The following ECD variants were observed in gnomAD, a reference collection of about 807,000 sequenced individuals.
ECD encodes the protein protein ecdysoneless homolog.
ECD carries 59 observed loss-of-function variants against 77.2 expected under a neutral mutation model. The observed-to-expected ratio is 0.76, with a 90% confidence interval of 0.62 to 0.95. The LOEUF (loss-of-function observed/expected upper bound fraction) is 0.95. Ranked by LOEUF, ECD falls within the 40% of genes least tolerant of loss-of-function variation. The pLI is 0.00. For synonymous variants in ECD, 233 were observed against 267.4 expected (o/e 0.87, Z 1.26); for missense variants, 704 against 763.4 (o/e 0.92, Z 0.92).
intron 9 of ECD, among the ~76,000 whole-genome samples, chr10:73,144,450 A>G (rs1380266719): frequency 6.6e-6 from 1 of 152,170 alleles, no homozygotes; most frequent in East Asian, 1.9e-4. Flanking sequence ...TGACTGTACC[A>G]CTGCACTCCA....
At chr10:73,139,011 A>C (rs1309650023) in intron 11 of ECD, among the ~76,000 whole-genome samples, 2 of 152,142 alleles carry the variant, frequency 1.3e-5, no homozygotes, top group Non-Finnish European at 2.9e-5. Flanking sequence ...GAACTTGTTG[A>C]AAGTTAAATG....
At chr10:73,154,811 G>C (rs1352602133) in intron 5 of ECD, among the ~76,000 whole-genome samples, 1 of 151,892 alleles carries the variant, frequency 6.6e-6, no homozygotes, top group Non-Finnish European at 1.5e-5. Flanking sequence ...GCATACGCCT[G>C]TAGTCCCAGC....
intron 11 of ECD, among the ~76,000 whole-genome samples, chr10:73,138,313 T>C (rs1243877007): frequency 5.3e-5 from 8 of 152,258 alleles, no homozygotes; most frequent in Admixed American, 3.9e-4. Context: ...ATTTAGCTTA[T>C]GCTGATTTAG....
intron 2 of ECD, among the ~76,000 whole-genome samples, chr10:73,161,284 G>GT (rs902334303): frequency 2.0e-4 from 30 of 151,818 alleles, no homozygotes; most frequent in Non-Finnish European, 2.9e-4. Flanking sequence ...GCTGAGTTGG[G>GT]TTTTTTTTAA....
chr10:73,161,954 A>C (rs985659782), intron 2 of ECD, among the ~76,000 whole-genome samples: 4 of 152,230 alleles, frequency 2.6e-5, no homozygotes, highest in Non-Finnish European at 5.9e-5. Flanking sequence ...GAGTGTCTCA[A>C]GAGCTGCCAT....
chr10:73,145,033 A>G (rs1047770083), intron 9 of ECD, among the ~76,000 whole-genome samples: 2 of 152,200 alleles, frequency 1.3e-5, no homozygotes. Context: ...TACCCCATAA[A>G]TATGTACAAC....
intron 9 of ECD, among the ~76,000 whole-genome samples, chr10:73,145,563 T>C (rs564538381): frequency 6.6e-6 from 1 of 152,192 alleles, no homozygotes; most frequent in African/African-American, 2.4e-5. Flanking sequence ...AATTAAAATG[T>C]TGGACATTTA....
At chr10:73,158,851 A>ATT (rs1843337383) in intron 3 of ECD, among the ~76,000 whole-genome samples, 1 of 152,210 alleles carries the variant, frequency 6.6e-6, no homozygotes, top group Non-Finnish European at 1.5e-5. Context: ...CCGCCTGGGC[A>ATT]AAATAGTAAG....
rs779617442 is a variant in ECD, at chr10:73,163,756, T to C, written c.182A>G (p.Asn61Ser). The C allele has an allele frequency of 1.9e-5, 31 of 1,614,120 alleles. No individual in the cohort carries two copies. The South Asian group carries it at 3.3e-4, about 17-fold the overall frequency. ...ACCTTTCCCAGGTTTATATTTAAGATTGAAAGGCTGATTCTGCCAGATGTA... is the reference window on the plus strand; with the variant it reads ...ACCTTTCCCAGGTTTATATTTAAGACTGAAAGGCTGATTCTGCCAGATGTA... ...VPYIWQNQPF[N>S]LKYKPGKGGV... Residue 61 changes from asparagine (N) to serine (S), a missense_variant, in exon 2 of 14, where the codon AAT becomes AGT. Coordinates refer to ENST00000372979, the MANE Select transcript of ECD (RefSeq NM_007265.3).
At chr10:73,162,306 G>C (rs1843390518) in intron 2 of ECD, among the ~76,000 whole-genome samples, 1 of 152,236 alleles carries the variant, frequency 6.6e-6, no homozygotes, top group African/African-American at 2.4e-5. Flanking sequence ...TCATATTTTA[G>C]AAGCATTCAG....
At chr10:73,156,479 A>C in intron 4 of ECD, 26 bp from the exon 5 acceptor site, 2 of 1,608,796 alleles carry the variant, frequency 1.2e-6, no homozygotes, top group South Asian at 2.2e-5. Context: ...TTCAATTTTC[A>C]CAGTGGGCAC....
intron 11 of ECD, among the ~76,000 whole-genome samples, chr10:73,138,546 A>G (rs904614796): frequency 6.6e-6 from 1 of 152,080 alleles, no homozygotes; most frequent in Admixed American, 6.6e-5. Flanking sequence ...GATATATTTG[A>G]TACACAAGTA....
intron 9 of ECD, among the ~76,000 whole-genome samples, chr10:73,140,749 T>C (rs1215913963): frequency 6.6e-6 from 1 of 151,786 alleles, no homozygotes; most frequent in Non-Finnish European, 1.5e-5. Flanking sequence ...GCCTTCCTTT[T>C]TGGCTCTGAA....
intron 2 of ECD, 59 bp from the exon 3 acceptor site, chr10:73,160,610 G>A (rs1319910213): frequency 9.7e-6 from 12 of 1,238,546 alleles, no homozygotes; most frequent in Non-Finnish European, 1.4e-5. Context: ...CAAATAAAAT[G>A]CACATAATCA....
At chr10:73,162,363 T>C (rs188250888) in intron 2 of ECD, among the ~76,000 whole-genome samples, 79 of 152,336 alleles carry the variant, frequency 5.2e-4, no homozygotes, top group Middle Eastern at 6.8e-3. Context: ...CTGATTATGA[T>C]TTTGAATTAC....
Position 73,160,377 on chromosome 10 carries a change from T to C in ECD, c.323+57A>G, listed in dbSNP as rs546476520. The C allele has an allele frequency of 2.5e-5, 29 of 1,159,318 alleles. No homozygotes were observed. The South Asian group carries it at 4.3e-4, about 17-fold the overall frequency. 71.8% of individuals were successfully genotyped at this position (1,159,318 alleles called of 1,614,324 possible). On this transcript the variant is annotated intron_variant, in intron 3 of 13. Transcript: ENST00000372979. ...ATAAATTACTAAATAGATAAAAATG[T>C]AGTCACTTTGTTTCAGTAATAGAAT...
At chr10:73,142,338 T>C (rs1376798601) in intron 9 of ECD, among the ~76,000 whole-genome samples, 2 of 151,846 alleles carry the variant, frequency 1.3e-5, no homozygotes, top group Non-Finnish European at 2.9e-5. Context: ...GACAAAAAAG[T>C]GTATAGGTTT....
intron 3 of ECD, 46 bp from the exon 4 acceptor site, chr10:73,156,701 T>C: frequency 6.6e-7 from 1 of 1,513,104 alleles, no homozygotes; most frequent in Non-Finnish European, 9.2e-7. Context: ...AGCATATATC[T>C]GCTAGTAACC....
chr10:73,166,769 C>T (rs6480674), intron 1 of ECD, among the ~76,000 whole-genome samples: 149,155 of 152,328 alleles, frequency 0.98, 73,200 homozygotes, highest in Middle Eastern at 1. Flanking sequence ...GGTTCTCTCT[C>T]CACTTTGTTG....
Sources: gnomAD v4.1 joint callset for allele counts (sites outside exome capture counted in the v4.1 genomes callset) on GRCh38, gnomAD v4.1.1 for gene constraint, MANE v1.5 for transcripts, NCBI Gene and HGNC (gene_info 2026-07-23, HGNC 2026-07-21) for gene names.